The following FBXL17 variants were observed in gnomAD, a reference collection of about 807,000 sequenced individuals.
FBXL17 encodes the protein F-box/LRR-repeat protein 17.
Under a neutral mutation model 66.2 loss-of-function variants are expected in FBXL17, and 22 were observed. The ratio of observed to expected loss-of-function variants is 0.33; its 90% CI spans 0.24 to 0.47. The LOEUF (loss-of-function observed/expected upper bound fraction) is 0.47. Among genes scored for constraint, FBXL17 ranks in the 20% least tolerant of loss-of-function variants. The probability of loss-of-function intolerance (pLI) is 1.00; values close to 1 mark genes in which losing one functional copy is unlikely to be tolerated. For missense variants in FBXL17, 878 were observed against 948.2 expected (o/e 0.93, Z 0.97); for synonymous variants, 474 against 400.5 (o/e 1.18, Z -2.19).
chr5:108,082,534 T>C (rs1462455222), intron 6 of FBXL17, among the ~76,000 whole-genome samples: 1 of 152,236 alleles, frequency 6.6e-6, no homozygotes, highest in Non-Finnish European at 1.5e-5. Context: ...ATGCTGCCTC[T>C]ATTTCCCAGT....
intron 6 of FBXL17, among the ~76,000 whole-genome samples, chr5:108,179,157 G>A (rs1430462812): frequency 1.3e-5 from 2 of 151,982 alleles, no homozygotes; most frequent in Non-Finnish European, 2.9e-5. Context: ...AAACACAATG[G>A]GCACTCAGCA....
chr5:107,886,908 T>C (rs1246103200), intron 7 of FBXL17, among the ~76,000 whole-genome samples: 8 of 117,968 alleles, frequency 6.8e-5, no homozygotes, highest in Non-Finnish European at 5.0e-5. Flanking sequence ...GTCAAGGTAA[T>C]GAAATACAAA....
intron 4 of FBXL17, among the ~76,000 whole-genome samples, chr5:108,282,738 AT>A (rs1320116844): frequency 2.0e-5 from 3 of 151,472 alleles, no homozygotes; most frequent in Non-Finnish European, 4.4e-5. Flanking sequence ...TTGCTAAGAT[AT>A]AATCTTATAT....
intron 7 of FBXL17, among the ~76,000 whole-genome samples, chr5:108,010,370 A>T (rs1754128770): frequency 6.6e-6 from 1 of 152,208 alleles, no homozygotes; most frequent in Non-Finnish European, 1.5e-5. Context: ...CTTCTCCAAA[A>T]GTAGAAAATG....
chr5:108,333,573 A>T (rs1760235708), intron 4 of FBXL17, among the ~76,000 whole-genome samples: 1 of 152,198 alleles, frequency 6.6e-6, no homozygotes, highest in Admixed American at 6.5e-5. Context: ...GAAATCTAGT[A>T]GTGGTCAAAT....
Position 107,991,533 on chromosome 5 carries a change from C to T in FBXL17, c.1822+29392G>A, listed in dbSNP as rs140913327. 3.5e-3 allele frequency among the ~76,000 whole-genome samples: 537 copies of T among 152,250 alleles called. 3 individuals carry two copies. The highest frequency in any genetic ancestry group is 0.012 in the African/African-American group (514 of 41,536). Reference sequence around the variant, plus strand: ...TTTCTCAGTTGAGACTGTTTCCCTTCTACTATATTTAGAGCCTATATTGGT... The same window carrying T: ...TTTCTCAGTTGAGACTGTTTCCCTTTTACTATATTTAGAGCCTATATTGGT... On this transcript the variant is annotated intron_variant, in intron 7 of 8. Transcript: ENST00000542267.
intron 6 of FBXL17, among the ~76,000 whole-genome samples, chr5:108,052,128 A>AG (rs1747504778): frequency 4.3e-5 from 2 of 46,272 alleles, no homozygotes; most frequent in African/African-American, 7.5e-5. Context: ...AAAAAAAAAA[A>AG]AAAAAAGAAA....
chr5:107,930,547 A>G (rs1214663512), intron 7 of FBXL17, among the ~76,000 whole-genome samples: 1 of 152,220 alleles, frequency 6.6e-6, no homozygotes, highest in Non-Finnish European at 1.5e-5. Flanking sequence ...TGCCTCTCCA[A>G]CTAGTACATA....
intron 3 of FBXL17, among the ~76,000 whole-genome samples, chr5:108,350,811 C>T (rs1747596288): frequency 6.6e-6 from 1 of 152,190 alleles, no homozygotes; most frequent in African/African-American, 2.4e-5. Flanking sequence ...CTCCCATATA[C>T]ACTTTATCAG....
At chr5:108,137,566 C>T (rs958730303) in intron 6 of FBXL17, among the ~76,000 whole-genome samples, 3 of 152,102 alleles carry the variant, frequency 2.0e-5, no homozygotes, top group Non-Finnish European at 4.4e-5. Context: ...ATGATAACTG[C>T]ACACTGATGA....
At chr5:108,032,704 G>A (rs1746691368) in intron 6 of FBXL17, among the ~76,000 whole-genome samples, 3 of 152,178 alleles carry the variant, frequency 2.0e-5, no homozygotes. Flanking sequence ...ATGACACCCT[G>A]ATATTGGCCA....
rs548727132 is a variant in FBXL17, at chr5:108,222,372, G to C, written c.1614+1749C>G. The stretch of plus-strand genomic sequence containing the variant: ...ACATAAACAGCATTAGGTGTGACTA[G>C]AAAAACATTCATCTACCAAGATGTT... On this transcript the variant is annotated intron_variant, in intron 5 of 8. Transcript: ENST00000542267. Among the ~76,000 whole-genome samples, 10 of 152,270 alleles carry C rather than the reference G, an allele frequency of 6.6e-5. No individual in the cohort carries two copies. The East Asian group carries it at 1.4e-3, about 21-fold the overall frequency.
At chr5:108,255,208 T>C (rs1756524435) in intron 4 of FBXL17, among the ~76,000 whole-genome samples, 1 of 152,178 alleles carries the variant, frequency 6.6e-6, no homozygotes, top group African/African-American at 2.4e-5. Context: ...TAGACCATAA[T>C]CATAGCAGAA....
intron 4 of FBXL17, among the ~76,000 whole-genome samples, chr5:108,321,641 G>C (rs759312332): frequency 6.6e-6 from 1 of 151,162 alleles, no homozygotes; most frequent in Non-Finnish European, 1.5e-5. Flanking sequence ...AAAAAGTGCT[G>C]TTTTGACTTT....
chr5:108,375,586 A>G (rs144144776), intron 1 of FBXL17, among the ~76,000 whole-genome samples: 94 of 152,344 alleles, frequency 6.2e-4, no homozygotes, highest in African/African-American at 2.2e-3. Flanking sequence ...CAAAGGAAAT[A>G]GAAAATCTGA....
intron 1 of FBXL17, among the ~76,000 whole-genome samples, chr5:108,369,765 T>C (rs1748907774): frequency 6.6e-6 from 1 of 152,018 alleles, no homozygotes; most frequent in African/African-American, 2.4e-5. Flanking sequence ...TGGGCCACAC[T>C]GAGATCCAGA....
chr5:108,265,642 AT>A (rs1485941406), intron 4 of FBXL17, among the ~76,000 whole-genome samples: 1 of 152,176 alleles, frequency 6.6e-6, no homozygotes, highest in Non-Finnish European at 1.5e-5. Flanking sequence ...GACTTATGGA[AT>A]TTGCACTATT....
chr5:107,966,442 T>C (rs1262618624), intron 7 of FBXL17, among the ~76,000 whole-genome samples: 1 of 152,100 alleles, frequency 6.6e-6, no homozygotes, highest in Non-Finnish European at 1.5e-5. Context: ...ATTTGTCCAG[T>C]GACAGAGAAT....
chr5:108,237,122 C>A (rs1466679669), intron 4 of FBXL17, among the ~76,000 whole-genome samples: 1 of 152,138 alleles, frequency 6.6e-6, no homozygotes, highest in Non-Finnish European at 1.5e-5. Flanking sequence ...TCCACTGAGT[C>A]AACATTATCT....
Sources: gnomAD v4.1 joint callset for allele counts (sites outside exome capture counted in the v4.1 genomes callset) on GRCh38, gnomAD v4.1.1 for gene constraint, MANE v1.5 for transcripts, NCBI Gene and HGNC (gene_info 2026-07-23, HGNC 2026-07-21) for gene names.